MTOR: variants seen among roughly 807,000 people sequenced by gnomAD.
MTOR encodes the protein mechanistic target of rapamycin kinase, also known as serine/threonine-protein kinase mTOR.
A neutral mutation model predicts 319.8 loss-of-function variants in MTOR; 70 were observed. The ratio of observed to expected loss-of-function variants is 0.22; its 90% CI spans 0.18 to 0.27. The LOEUF (loss-of-function observed/expected upper bound fraction) is 0.27. Among genes scored for constraint, MTOR ranks in the 10% least tolerant of loss-of-function variants. MTOR has a pLI of 1.00. For synonymous variants in MTOR, 1,183 were observed against 1,211.4 expected (o/e 0.98, Z 0.49); for missense variants, 1,890 against 3,274.4 (o/e 0.58, Z 10.32).
At chr1:11,192,963 T>C (rs1645608661) in intron 28 of MTOR, among the ~76,000 whole-genome samples, 1 of 152,054 alleles carries the variant, frequency 6.6e-6, no homozygotes, top group Non-Finnish European at 1.5e-5. Context: ...TGCCATGTCC[T>C]AGAACAGCTA....
chr1:11,136,408 T>C (rs1470372088), intron 36 of MTOR, among the ~76,000 whole-genome samples: 2 of 152,330 alleles, frequency 1.3e-5, no homozygotes, highest in East Asian at 3.9e-4. Flanking sequence ...CAGGGATCCA[T>C]TACTCACCAC....
chr1:11,189,997 C>G, intron 28 of MTOR: 1 of 1,563,792 alleles, frequency 6.4e-7, no homozygotes, highest in Non-Finnish European at 8.6e-7. Context: ...AGTGCCTCCC[C>G]ATCTACAGCA....
rs1287386084 is a variant in MTOR, at chr1:11,240,402, G to C, written c.1687C>G (p.His563Asp). The change falls in exon 11 of 58, where the codon CAT (histidine) becomes GAT (aspartate). Residue 563 changes from histidine to aspartate, a missense_variant. Coordinates refer to ENST00000361445, the MANE Select transcript of MTOR (RefSeq NM_004958.4). ...GTGAGGCCAGGAGAGGCCAGCTGAT[G>C]GGCCAGGCCCTTGGGCATGCCTGGG... Reference protein sequence around the residue: ...RHPGMPKGLAHQLASPGLTTL... With the variant: ...RHPGMPKGLADQLASPGLTTL... 1 of 1,614,130 alleles carries C rather than the reference G, an allele frequency of 6.2e-7. No homozygotes were observed. Among genetic ancestry groups the C allele is most frequent in the Non-Finnish European group, 8.5e-7 (1 of 1,180,058 alleles).
At chr1:11,113,845 T>C (rs1440540445) in intron 53 of MTOR, among the ~76,000 whole-genome samples, 1 of 152,122 alleles carries the variant, frequency 6.6e-6, no homozygotes, top group Non-Finnish European at 1.5e-5. Context: ...GTAATCCCCA[T>C]GTGTTGTGGG....
At position 11,230,984 on chromosome 1, in the gene MTOR, T is replaced by C; in HGVS notation, c.2720A>G (p.Asp907Gly). The change falls in exon 18 of 58, where the codon GAC becomes GGC. Residue 907 changes from aspartate (D) to glycine (G), a missense_variant. Physicochemically the swap from Asp to Gly is moderately conservative, Grantham distance 94 (BLOSUM62 -1). Around this residue, in one of 15 missense-constraint regions of MTOR, gnomAD observed 377 missense variants for 653.9 expected, o/e 0.58. Transcript: ENST00000361445. ...YKHKVNIGMI[D>G]QSRDASAVSL... The stretch of plus-strand genomic sequence containing the variant: ...GACAGCAGAGGCATCCCGGGACTGG[T>C]CTATCATGCCAATGTTCACTTTGTG... 1 of 1,614,102 alleles carries C rather than the reference T, an allele frequency of 6.2e-7. No homozygotes were observed. The highest frequency in any genetic ancestry group is 8.5e-7 in the Non-Finnish European group (1 of 1,180,012).
chr1:11,163,932 T>C (rs1644556141), intron 29 of MTOR, among the ~76,000 whole-genome samples: 1 of 151,704 alleles, frequency 6.6e-6, no homozygotes, highest in South Asian at 2.1e-4. Flanking sequence ...ATAACTAAGA[T>C]CAGAGCAGAA....
At chr1:11,131,456 C>T (rs1643154487) in intron 38 of MTOR, 1 of 152,846 alleles carries the variant, frequency 6.5e-6, no homozygotes, top group Non-Finnish European at 1.5e-5. Context: ...GAAGTGGGGG[C>T]AAGCAGCAGT....
chr1:11,143,011 G>C (rs1476439718), intron 34 of MTOR, among the ~76,000 whole-genome samples: 1 of 152,194 alleles, frequency 6.6e-6, no homozygotes, highest in Non-Finnish European at 1.5e-5. Flanking sequence ...ATCCACAAGA[G>C]CCAAATTTCC....
chr1:11,143,198 G>A (rs1570980186), intron 34 of MTOR, among the ~76,000 whole-genome samples: 2 of 152,304 alleles, frequency 1.3e-5, no homozygotes, highest in South Asian at 4.1e-4. Context: ...TTGGCCTCCT[G>A]TAAGCCAAAA....
chr1:11,256,148 G>A lies in MTOR; in HGVS notation c.549C>T (p.Phe183=), dbSNP rs2100975343. 1 of 1,614,168 alleles carries A rather than the reference G, an allele frequency of 6.2e-7. No homozygotes were observed. Among genetic ancestry groups the A allele is most frequent in the Non-Finnish European group, 8.5e-7 (1 of 1,180,032 alleles). The change falls in exon 5 of 58, where the codon TTC becomes TTT. Residue 183 remains phenylalanine, a synonymous_variant. Transcript: ENST00000361445. ...CAAAGAAGGGTTGCACTTGCTGGAA[G>A]AAGAAGGTAGGGACGCTGATGGCCA... The part of the protein sequence containing the change: ...RELAISVPTF[F]FQQVQPFFDN...
chr1:11,251,655 C>CT (rs761523542), intron 6 of MTOR, among the ~76,000 whole-genome samples: 3,229 of 113,672 alleles, frequency 0.028, 152 homozygotes, highest in African/African-American at 0.086. Context: ...TAGATAGTTT[C>CT]TTTTTTTTTT....
At chr1:11,110,732 CT>C (rs1042898098) in intron 54 of MTOR, among the ~76,000 whole-genome samples, 1 of 151,632 alleles carries the variant, frequency 6.6e-6, no homozygotes, top group Non-Finnish European at 1.5e-5. Flanking sequence ...ATTGGAAGTT[CT>C]TTTTTTTGAG....
rs1285179051 is a variant in MTOR, at chr1:11,133,966, G to A, written c.5246+385C>T. 6.6e-6 allele frequency among the ~76,000 whole-genome samples: 1 copy of A among 152,008 alleles called. No homozygotes were observed. The highest frequency in any genetic ancestry group is 1.5e-5 in the Non-Finnish European group (1 of 68,008). On this transcript the variant is annotated intron_variant, in intron 37 of 57. Coordinates refer to ENST00000361445, the MANE Select transcript of MTOR (RefSeq NM_004958.4). This position sits in a 1 kb window ranked among gnomAD's most constrained non-coding sequence, Gnocchi z 4.0. ...AAAACTAGCCAGTGTGGTGGCACGT[G>A]CCTATAGCTACTTGGGAAACTGAGG... is the stretch of plus-strand genomic sequence containing the variant.
At chr1:11,124,365 G>T in intron 47 of MTOR, 133 bp downstream of exon 47, 1 of 1,196,672 alleles carries the variant, frequency 8.4e-7, no homozygotes, top group Non-Finnish European at 1.2e-6. Flanking sequence ...TGGGACTACA[G>T]GCATGAGTTA....
At chr1:11,189,678 G>A in intron 28 of MTOR, 2 of 1,614,186 alleles carry the variant, frequency 1.2e-6, no homozygotes, top group Non-Finnish European at 1.7e-6. Context: ...CTAAGCACAA[G>A]ACACCAGCAC....
At chr1:11,125,440 G>A (rs1642774946) in intron 46 of MTOR, among the ~76,000 whole-genome samples, 1 of 152,056 alleles carries the variant, frequency 6.6e-6, no homozygotes, top group Admixed American at 6.6e-5. Context: ...TATTAAGAGC[G>A]AGAGGTGAGG....
intron 10 of MTOR, among the ~76,000 whole-genome samples, chr1:11,240,793 C>A (rs1461019454): frequency 6.6e-6 from 1 of 152,248 alleles, no homozygotes; most frequent in South Asian, 2.1e-4. Flanking sequence ...TACAGAAGAC[C>A]AAGTCTCAAC....
At chr1:11,203,231 G>T (rs2100760416) in intron 26 of MTOR, among the ~76,000 whole-genome samples, 1 of 151,402 alleles carries the variant, frequency 6.6e-6, no homozygotes, top group African/African-American at 2.4e-5. Context: ...AAACAAAAAT[G>T]AAAACAAAAA....
At position 11,109,641 on chromosome 1, in the gene MTOR, G is replaced by A. The variant is rs1169758605; in HGVS notation, c.7447+8C>T. ...TCACTGGTGCGGTTCCTCAGAGGCT[G>A]AACTTACTGAAAGAATGAATAGATT... On this transcript the variant is annotated splice_region_variant and intron_variant, in intron 55 of 57. Coordinates refer to ENST00000361445, the MANE Select transcript of MTOR (RefSeq NM_004958.4). The surrounding 1 kb of genome is among the most constrained non-coding windows in gnomAD (Gnocchi z 4.0). 3 of 1,613,650 alleles carry A rather than the reference G, an allele frequency of 1.9e-6. No individual in the cohort carries two copies. Among genetic ancestry groups the A allele is most frequent in the Admixed American group, 1.7e-5 (1 of 60,014 alleles).
Sources: allele counts gnomAD v4.1 joint callset (sites outside exome capture counted in the v4.1 genomes callset), GRCh38; gene constraint gnomAD v4.1.1; regional missense constraint gnomAD v4.1.1; non-coding constraint Gnocchi (gnomAD v3.1); transcripts MANE v1.5; gene names NCBI Gene and HGNC (gene_info 2026-07-23, HGNC 2026-07-21).